Variants in PYY observed in about 807,000 individuals in gnomAD.
The protein encoded by PYY is peptide YY.
Under a neutral mutation model 10.3 loss-of-function variants are expected in PYY, and 12 were observed. The ratio of observed to expected loss-of-function variants is 1.17; its 90% CI spans 0.75 to 1.89. PYY has a LOEUF of 1.89. PYY is among the 40% of genes most tolerant of loss of function. The pLI is 0.00. For synonymous variants in PYY, 66 were observed against 62.0 expected (o/e 1.06, Z -0.30); for missense variants, 141 against 134.0 (o/e 1.05, Z -0.26).
intron 2 of PYY, among the ~76,000 whole-genome samples, chr17:43,964,029 A>G (rs990485442): frequency 1.5e-5 from 2 of 130,782 alleles, no homozygotes; most frequent in African/African-American, 3.0e-5. Context: ...GTTATGTTAT[A>G]TTACCATCAT....
chr17:44,001,200 C>T (rs114380258), intron 1 of PYY, among the ~76,000 whole-genome samples: 11 of 152,202 alleles, frequency 7.2e-5, no homozygotes, highest in African/African-American at 9.6e-5. Context: ...GGCTGAGATG[C>T]GGCCAAGAAG....
chr17:43,998,966 C>T (rs2049007930), intron 1 of PYY, among the ~76,000 whole-genome samples: 1 of 152,162 alleles, frequency 6.6e-6, no homozygotes, highest in Non-Finnish European at 1.5e-5. Flanking sequence ...AAATTAAAAA[C>T]ATGACAGTCA....
Position 43,953,099 on chromosome 17 carries a change from G to C in PYY, c.269+10C>G. 6.2e-7 allele frequency: 1 copy of C among 1,613,766 alleles called. No individual in the cohort carries two copies. The highest frequency in any genetic ancestry group is 8.5e-7 in the Non-Finnish European group (1 of 1,179,808). On this transcript the variant is annotated intron_variant, in intron 3 of 3. Coordinates refer to ENST00000692052, the MANE Select transcript of PYY (RefSeq NM_001394028.1). ...TCGGATGCAGGATGTGTGGTAACGG[G>C]CGCTTTTACCGCGACCTGACGGGGC...
At chr17:44,000,923 G>A (rs1420041599) in intron 1 of PYY, among the ~76,000 whole-genome samples, 1 of 152,066 alleles carries the variant, frequency 6.6e-6, no homozygotes, top group Admixed American at 6.6e-5. Flanking sequence ...CACCTGTATG[G>A]TGTACAGGGG....
intron 1 of PYY, among the ~76,000 whole-genome samples, chr17:43,991,479 G>A (rs895851086): frequency 2.6e-5 from 4 of 152,188 alleles, no homozygotes; most frequent in Non-Finnish European, 5.9e-5. Context: ...AATAAGGGTA[G>A]TAAGTCTATG....
At chr17:43,978,997 T>A (rs1394495041) in intron 1 of PYY, among the ~76,000 whole-genome samples, 1 of 152,212 alleles carries the variant, frequency 6.6e-6, no homozygotes, top group African/African-American at 2.4e-5. Flanking sequence ...AAATCTCTAA[T>A]GGCTGGAGCT....
intron 1 of PYY, among the ~76,000 whole-genome samples, chr17:43,981,828 A>G (rs907051737): frequency 9.2e-5 from 14 of 151,958 alleles, no homozygotes; most frequent in African/African-American, 3.1e-4. Flanking sequence ...CTCTGTTGTG[A>G]ATTGTCTGAC....
At chr17:43,958,157 A>AAAAAAAAAAAAAAAAAAAAAG (rs2048688153), upstream of PYY, 1 of 150,348 alleles carries the variant, frequency 6.7e-6, no homozygotes, top group Non-Finnish European at 1.5e-5. Flanking sequence ...AAAAAAAAAA[A>AAAAAAAAAAAAAAAAAAAAAG]GAATGGGCAT....
At chr17:43,995,711 G>A (rs1250640287) in intron 1 of PYY, among the ~76,000 whole-genome samples, 8 of 151,588 alleles carry the variant, frequency 5.3e-5, no homozygotes, top group African/African-American at 1.9e-4. Flanking sequence ...GCAGGCGCCT[G>A]TAGTCCCAGC....
intron 1 of PYY, among the ~76,000 whole-genome samples, chr17:43,974,561 G>T (rs59925105): frequency 0.038 from 5,832 of 152,200 alleles, 382 homozygotes; most frequent in African/African-American, 0.13. Context: ...GCCCGTAAAG[G>T]GTTAGGAGGA....
intron 1 of PYY, among the ~76,000 whole-genome samples, chr17:43,991,692 C>CGGGCG (rs1302073751): frequency 6.6e-6 from 1 of 152,186 alleles, no homozygotes; most frequent in Non-Finnish European, 1.5e-5. Context: ...GGCGTGGTGG[C>CGGGCG]CCATGCCCAT....
intron 1 of PYY, among the ~76,000 whole-genome samples, chr17:44,003,588 G>A (rs1280585823): frequency 6.6e-6 from 1 of 151,260 alleles, no homozygotes; most frequent in Non-Finnish European, 1.5e-5. Flanking sequence ...CCAGAAGGCG[G>A]GGATTACAGT....
chr17:43,967,207 G>T (rs2048760675), intron 1 of PYY, among the ~76,000 whole-genome samples: 1 of 152,146 alleles, frequency 6.6e-6, no homozygotes, highest in South Asian at 2.1e-4. Flanking sequence ...GGAGGCTGAG[G>T]CAGGAGAATC....
At chr17:43,960,532 C>CAA (rs1170040925) in intron 2 of PYY, among the ~76,000 whole-genome samples, 37,519 of 58,858 alleles carry the variant, frequency 0.64, 13,727 homozygotes, top group East Asian at 0.86. Context: ...GACTTTGTCT[C>CAA]AAAAAAAAAA....
At chr17:43,985,640 T>C (rs1256912261) in intron 1 of PYY, among the ~76,000 whole-genome samples, 1 of 152,214 alleles carries the variant, frequency 6.6e-6, no homozygotes, top group Non-Finnish European at 1.5e-5. Flanking sequence ...CTTCCATGTT[T>C]GTGAATGTAA....
chr17:43,982,304 C>T (rs1045036854), intron 1 of PYY, among the ~76,000 whole-genome samples: 1 of 152,214 alleles, frequency 6.6e-6, no homozygotes, highest in Admixed American at 6.5e-5. Flanking sequence ...TGGAGTGAGG[C>T]TAGGATGGGG....
At chr17:43,953,035 C>T (rs547094558) in intron 3 of PYY, 55 bp from the exon 4 acceptor site, 3 of 1,590,558 alleles carry the variant, frequency 1.9e-6, no homozygotes, top group East Asian at 2.2e-5. Flanking sequence ...TGGGAGACGT[C>T]GTTAAGTGAT....
At chr17:43,973,290 A>G (rs1473889886) in intron 1 of PYY, among the ~76,000 whole-genome samples, 1 of 152,190 alleles carries the variant, frequency 6.6e-6, no homozygotes, top group Non-Finnish European at 1.5e-5. Flanking sequence ...GTGGCTACTG[A>G]CAGATCAGGA....
chr17:43,990,790 T>C (rs1042707486), intron 1 of PYY, among the ~76,000 whole-genome samples: 43 of 150,544 alleles, frequency 2.9e-4, no homozygotes, highest in African/African-American at 9.5e-4. Context: ...TAGGATTTAA[T>C]GTTGTTTTTT....
Sources: gnomAD v4.1 joint callset for allele counts (sites outside exome capture counted in the v4.1 genomes callset) on GRCh38, gnomAD v4.1.1 for gene constraint, MANE v1.5 for transcripts, NCBI Gene and HGNC (gene_info 2026-07-23, HGNC 2026-07-21) for gene names.